NTN1: variants seen among roughly 807,000 people sequenced by gnomAD.
The protein encoded by NTN1 is netrin 1.
A neutral mutation model predicts 54.2 loss-of-function variants in NTN1; 11 were observed. That is an observed-to-expected ratio of 0.20 (90% CI 0.13 to 0.34). The LOEUF is 0.34. Ranked by LOEUF, NTN1 falls within the 10% of genes least tolerant of loss-of-function variation. NTN1 has a pLI of 1.00. For synonymous variants in NTN1, 371 were observed against 382.0 expected, an observed-to-expected ratio of 0.97 and a Z score of 0.33; for missense variants, 740 against 893.1, an observed-to-expected ratio of 0.83 and a Z score of 2.18.
chr17:9,144,704 C>T (rs994740052), intron 2 of NTN1, among the ~76,000 whole-genome samples: 2 of 152,238 alleles, frequency 1.3e-5, no homozygotes, highest in Non-Finnish European at 2.9e-5. Flanking sequence ...TGGAACAGGC[C>T]CCCTCTTAGC....
At chr17:9,235,800 G>T (rs1324107358) in intron 6 of NTN1, among the ~76,000 whole-genome samples, 1 of 150,366 alleles carries the variant, frequency 6.7e-6, no homozygotes, top group African/African-American at 2.5e-5. Context: ...TGTCACCCAG[G>T]CTGGAGTGCA....
chr17:9,205,002 C>A (rs145219204), intron 5 of NTN1, among the ~76,000 whole-genome samples: 241 of 150,960 alleles, frequency 1.6e-3, no homozygotes, highest in African/African-American at 5.6e-3. Context: ...TTCACACTTT[C>A]TTCTTTTCTT....
At chr17:9,095,302 G>T (rs536613585) in intron 2 of NTN1, among the ~76,000 whole-genome samples, 2 of 152,284 alleles carry the variant, frequency 1.3e-5, no homozygotes, top group East Asian at 3.9e-4. Flanking sequence ...TTTTATATAA[G>T]TATTTTATGT....
At chr17:9,172,251 A>T (rs1235069933) in intron 3 of NTN1, among the ~76,000 whole-genome samples, 1 of 152,064 alleles carries the variant, frequency 6.6e-6, no homozygotes, top group Non-Finnish European at 1.5e-5. Flanking sequence ...TAATCCCAGC[A>T]CTTTGGGAGG....
chr17:9,221,317 A>G lies in NTN1; in HGVS notation c.1486+75A>G. On this transcript the variant is annotated intron_variant, in intron 6 of 6. Coordinates refer to ENST00000173229, the MANE Select transcript of NTN1 (RefSeq NM_004822.3). This position sits in a 1 kb window ranked among gnomAD's most constrained non-coding sequence, Gnocchi z 4.5. ...CAGCGAGGTGCTGGGGCTGGGGTGC[A>G]GCTGGCCCCCGATGGGTGTTGGTCG... 1 of 1,178,432 alleles carries G rather than the reference A, an allele frequency of 8.5e-7. No individual in the cohort carries two copies. 73.0% of individuals were successfully genotyped at this position (1,178,432 alleles called of 1,614,324 possible).
chr17:9,126,545 G>T (rs2092248091), intron 2 of NTN1, among the ~76,000 whole-genome samples: 1 of 152,150 alleles, frequency 6.6e-6, no homozygotes, highest in African/African-American at 2.4e-5. Context: ...GAGATAAAGG[G>T]TATGGTAAGT....
the NTN1 span, among the ~76,000 whole-genome samples, chr17:9,005,455 C>A: frequency 3.9e-5 from 6 of 151,980 alleles, no homozygotes; most frequent in African/African-American, 1.5e-4. Context: ...CACACACACC[C>A]TCCCTCCTCC....
intron 2 of NTN1, among the ~76,000 whole-genome samples, chr17:9,037,721 C>T (rs760679484): frequency 3.9e-5 from 6 of 152,132 alleles, no homozygotes; most frequent in Non-Finnish European, 8.8e-5. Context: ...AAAGCTTCTT[C>T]GTCCCCTTTT....
intron 2 of NTN1, among the ~76,000 whole-genome samples, chr17:9,158,078 A>G (rs901930665): frequency 2.6e-5 from 4 of 152,182 alleles, no homozygotes; most frequent in African/African-American, 9.7e-5. Flanking sequence ...ACAAAGAGAA[A>G]AGAAAACAAG....
At chr17:9,115,572 A>C (rs2092208686) in intron 2 of NTN1, among the ~76,000 whole-genome samples, 1 of 152,250 alleles carries the variant, frequency 6.6e-6, no homozygotes, top group Non-Finnish European at 1.5e-5. Flanking sequence ...CACTGTGTGC[A>C]CTGGAGTTAA....
intron 2 of NTN1, among the ~76,000 whole-genome samples, chr17:9,065,232 C>A (rs1283727886): frequency 6.6e-6 from 1 of 152,134 alleles, no homozygotes; most frequent in Non-Finnish European, 1.5e-5. Context: ...CCACTGTGCC[C>A]AGCCTTATGT....
At chr17:9,071,686 G>A (rs549250646) in intron 2 of NTN1, among the ~76,000 whole-genome samples, 23 of 152,344 alleles carry the variant, frequency 1.5e-4, no homozygotes, top group Middle Eastern at 3.4e-3. Context: ...ATGCCCTTTC[G>A]CCAGCAGCAT....
rs1555570075 is a variant in NTN1, at chr17:9,127,075, G to GGA, written c.1019-35737_1019-35736insAG. 2.0e-3 allele frequency among the ~76,000 whole-genome samples: 296 copies of GGA among 149,514 alleles called. 2 individuals are homozygous for GGA. The highest frequency in any genetic ancestry group is 2.3e-3 in the Admixed American group (35 of 15,004). On this transcript the variant is annotated intron_variant, in intron 2 of 6. Coordinates refer to ENST00000173229, the MANE Select transcript of NTN1 (RefSeq NM_004822.3). ...GGAGTGAGATTGTGGTAGGGCCGGG[G>GGA]GGGGGCAGGACAGGGAGTTAGGATT...
intron 5 of NTN1, among the ~76,000 whole-genome samples, chr17:9,203,458 C>G (rs1205552627): frequency 6.6e-6 from 1 of 152,156 alleles, no homozygotes; most frequent in African/African-American, 2.4e-5. Flanking sequence ...ACATAGATGT[C>G]TGTAAAGTAG....
At chr17:9,027,030 G>A (rs114031047) in intron 2 of NTN1, among the ~76,000 whole-genome samples, 1 of 152,046 alleles carries the variant, frequency 6.6e-6, no homozygotes. Flanking sequence ...TGGGGGTCGG[G>A]GGATGTCCTC....
chr17:9,004,102 G>A, the NTN1 span, among the ~76,000 whole-genome samples: 39 of 152,212 alleles, frequency 2.6e-4, no homozygotes, highest in Non-Finnish European at 5.0e-4. Flanking sequence ...AAAATCAAAC[G>A]CGCATCTAGA....
chr17:9,059,593 A>G (rs1467038848), intron 2 of NTN1, among the ~76,000 whole-genome samples: 1 of 152,210 alleles, frequency 6.6e-6, no homozygotes, highest in Non-Finnish European at 1.5e-5. Context: ...TGATATGGTT[A>G]CATTTATGTG....
chr17:9,148,739 C>A (rs1310426133), intron 2 of NTN1, among the ~76,000 whole-genome samples: 6 of 151,780 alleles, frequency 4.0e-5, no homozygotes, highest in Admixed American at 2.0e-4. Context: ...AGATTGGGAC[C>A]CTGGTTTCAC....
chr17:9,196,449 A>G (rs1375265546), intron 5 of NTN1, among the ~76,000 whole-genome samples: 1 of 152,078 alleles, frequency 6.6e-6, no homozygotes, highest in Non-Finnish European at 1.5e-5. Context: ...TTATGCTCAG[A>G]CTGTCCCCAG....
Sources: gnomAD v4.1 joint callset for allele counts (sites outside exome capture counted in the v4.1 genomes callset) on GRCh38, gnomAD v4.1.1 for gene constraint, Gnocchi (gnomAD v3.1) non-coding constraint, MANE v1.5 for transcripts, NCBI Gene and HGNC (gene_info 2026-07-23, HGNC 2026-07-21) for gene names.